The following EPDR1 variants were observed in gnomAD, a reference collection of about 807,000 sequenced individuals.
EPDR1 encodes mammalian ependymin-related protein 1.
A neutral mutation model predicts 23.7 loss-of-function variants in EPDR1; 27 were observed. The observed-to-expected ratio is 1.14, with a 90% CI of 0.84 to 1.57. The LOEUF is 1.57. Ranked by LOEUF, EPDR1 falls within the 40% of genes most tolerant of loss-of-function variation. The probability of loss-of-function intolerance (pLI) is 0.00; values close to 1 mark genes in which losing one functional copy is unlikely to be tolerated. For synonymous variants in EPDR1, 137 were observed against 118.2 expected (o/e 1.16, Z -1.03); for missense variants, 349 against 290.4 (o/e 1.20, Z -1.47).
chr7:37,951,171 T>A lies in EPDR1; in HGVS notation c.*775T>A, dbSNP rs908860971. ...TGCTGAATCTTCACAGACTTGTCAA[T>A]ACACAGGCAGTATTCTAAAATAGCA... On this transcript the variant is annotated 3_prime_UTR_variant, in exon 3 of 3. Coordinates refer to ENST00000199448, the MANE Select transcript of EPDR1 (RefSeq NM_017549.5). 2.0e-5 allele frequency: 3 copies of A among 152,190 alleles called. No individual in the cohort carries two copies. 9.4% of individuals were successfully genotyped at this position (152,190 alleles called of 1,614,324 possible). A position where few individuals can be genotyped will look rare whatever the true frequency, so the allele number is the denominator to read the frequency against.
intron 1 of EPDR1, among the ~76,000 whole-genome samples, chr7:37,931,870 T>C (rs1417815646): frequency 6.6e-6 from 1 of 152,036 alleles, no homozygotes; most frequent in Admixed American, 6.6e-5. Flanking sequence ...GCCTAATTTA[T>C]TTATTTATTT....
chr7:37,925,139 T>A (rs1785789288), intron 1 of EPDR1, among the ~76,000 whole-genome samples: 1 of 152,238 alleles, frequency 6.6e-6, no homozygotes, highest in African/African-American at 2.4e-5. Flanking sequence ...TCTGACTCCT[T>A]GATTAAATTC....
chr7:37,921,438 C>G, intron 1 of EPDR1: 1 of 1,380,400 alleles, frequency 7.2e-7, no homozygotes, highest in Admixed American at 3.5e-5. Flanking sequence ...TAACACCCAG[C>G]GAGGCGGTGG....
intron 1 of EPDR1, among the ~76,000 whole-genome samples, chr7:37,934,427 G>A (rs1786008869): frequency 6.6e-6 from 1 of 151,278 alleles, no homozygotes; most frequent in Admixed American, 6.6e-5. Flanking sequence ...AGCTTCCCTA[G>A]AACAAGGACT....
chr7:37,925,832 A>G (rs544173582), intron 1 of EPDR1, among the ~76,000 whole-genome samples: 1 of 152,234 alleles, frequency 6.6e-6, no homozygotes, highest in Non-Finnish European at 1.5e-5. Context: ...TACTTTTATT[A>G]TATCAGGCTG....
chr7:37,933,427 T>G (rs757562939), intron 1 of EPDR1, among the ~76,000 whole-genome samples: 1 of 152,208 alleles, frequency 6.6e-6, no homozygotes, highest in Non-Finnish European at 1.5e-5. Context: ...AGGCACATGG[T>G]GTTTAAGAGT....
chr7:37,942,898 A>T (rs1195014702), intron 1 of EPDR1, among the ~76,000 whole-genome samples: 1 of 152,234 alleles, frequency 6.6e-6, no homozygotes, highest in Non-Finnish European at 1.5e-5. Context: ...AACAATGGAA[A>T]TTGTCAATGT....
At chr7:37,932,516 C>T (rs1424118443) in intron 1 of EPDR1, among the ~76,000 whole-genome samples, 1 of 152,160 alleles carries the variant, frequency 6.6e-6, no homozygotes, top group Non-Finnish European at 1.5e-5. Context: ...CAGTCTATCC[C>T]AAATCCCAGT....
Position 37,920,906 on chromosome 7 carries a change from G to T in EPDR1, c.-34G>T. The T allele has an allele frequency of 1.2e-6, 2 of 1,611,332 alleles. No homozygotes were observed. Among genetic ancestry groups the T allele is most frequent in the Non-Finnish European group, 1.7e-6 (2 of 1,179,276 alleles). On this transcript the variant is annotated 5_prime_UTR_variant, in exon 1 of 3. Transcript: ENST00000199448. The stretch of plus-strand genomic sequence containing the variant: ...GACGCCTCAGCGCCCCCTTGGGCTT[G>T]GGCTTGCCCTCGGGCCGGGGAAGGC...
intron 1 of EPDR1, among the ~76,000 whole-genome samples, chr7:37,938,232 C>T (rs1044369966): frequency 4.0e-5 from 6 of 151,808 alleles, no homozygotes; most frequent in African/African-American, 1.2e-4. Flanking sequence ...CCTTGTGATC[C>T]GCCTGCCATG....
At chr7:37,946,965 C>G (rs1786289014) in intron 1 of EPDR1, among the ~76,000 whole-genome samples, 1 of 152,008 alleles carries the variant, frequency 6.6e-6, no homozygotes, top group African/African-American at 2.4e-5. Flanking sequence ...TTACAGGAAG[C>G]TAAAATTAAT....
chr7:37,947,911 C>T (rs1411704925), intron 1 of EPDR1, among the ~76,000 whole-genome samples: 2 of 152,180 alleles, frequency 1.3e-5, no homozygotes, highest in Admixed American at 1.3e-4. Flanking sequence ...AGGCTGAGAG[C>T]ATGGAGAGAA....
chr7:37,935,781 G>C (rs1160008995), intron 1 of EPDR1, among the ~76,000 whole-genome samples: 3 of 151,200 alleles, frequency 2.0e-5, no homozygotes, highest in Non-Finnish European at 2.9e-5. Flanking sequence ...TGTTGGGTAG[G>C]GGTGGGGAGG....
intron 1 of EPDR1, among the ~76,000 whole-genome samples, chr7:37,944,807 T>C (rs1299224402): frequency 6.6e-6 from 1 of 152,204 alleles, no homozygotes; most frequent in Non-Finnish European, 1.5e-5. Context: ...ATGACACTTC[T>C]GTGATCCTGT....
intron 1 of EPDR1, among the ~76,000 whole-genome samples, chr7:37,934,847 G>A (rs1490897167): frequency 6.6e-6 from 1 of 151,928 alleles, no homozygotes; most frequent in African/African-American, 2.4e-5. Context: ...TGGGAGGCTG[G>A]GGCAGGAAGA....
intron 1 of EPDR1, among the ~76,000 whole-genome samples, chr7:37,941,738 C>A (rs1330091420): frequency 3.3e-5 from 5 of 152,162 alleles, no homozygotes; most frequent in Non-Finnish European, 7.4e-5. Flanking sequence ...AATGCTTGAA[C>A]TTTAATTGAA....
chr7:37,924,169 A>G (rs564753155), intron 1 of EPDR1, among the ~76,000 whole-genome samples: 52 of 152,366 alleles, frequency 3.4e-4, no homozygotes, highest in South Asian at 2.1e-3. Flanking sequence ...AGTCAGAACT[A>G]TGTGGGGAGC....
At chr7:37,947,296 C>A (rs1786296714) in intron 1 of EPDR1, among the ~76,000 whole-genome samples, 1 of 152,084 alleles carries the variant, frequency 6.6e-6, no homozygotes, top group Non-Finnish European at 1.5e-5. Context: ...AGGTTTGTAC[C>A]CTGGGAGCAG....
At chr7:37,949,178 G>A in intron 2 of EPDR1, 130 bp downstream of exon 2, 2 of 780,448 alleles carry the variant, frequency 2.6e-6, no homozygotes, top group Non-Finnish European at 4.1e-6. Flanking sequence ...CTCCACTTAG[G>A]TCTGCAGGTT....
Sources: gnomAD v4.1 joint callset for allele counts (sites outside exome capture counted in the v4.1 genomes callset) on GRCh38, gnomAD v4.1.1 for gene constraint, MANE v1.5 for transcripts, NCBI Gene and HGNC (gene_info 2026-07-23, HGNC 2026-07-21) for gene names.